The following SHMT1 variants were observed in gnomAD, a reference collection of about 807,000 sequenced individuals.
SHMT1 encodes the protein serine hydroxymethyltransferase 1, also known as serine hydroxymethyltransferase, cytosolic.
In SHMT1, 45 loss-of-function variants were observed where a neutral mutation model predicts 49.0. That is an observed-to-expected ratio of 0.92 (90% CI 0.72 to 1.18). The LOEUF is 1.18. Among genes scored for constraint, SHMT1 ranks in the 50% most tolerant of loss-of-function variants. The pLI, the probability that SHMT1 is intolerant of heterozygous loss-of-function variation, is 0.00. For missense variants in SHMT1, 541 were observed against 612.4 expected, an observed-to-expected ratio of 0.88 and a Z score of 1.23; for synonymous variants, 232 against 246.6, an observed-to-expected ratio of 0.94 and a Z score of 0.55.
chr17:18,350,124 G>C (rs911547038), intron 3 of SHMT1, among the ~76,000 whole-genome samples: 1 of 151,942 alleles, frequency 6.6e-6, no homozygotes, highest in African/African-American at 2.4e-5. Flanking sequence ...GTCAGGAGAT[G>C]GAGACCATCC....
At chr17:18,337,049 A>G (rs1189386367) in intron 7 of SHMT1, among the ~76,000 whole-genome samples, 2 of 151,260 alleles carry the variant, frequency 1.3e-5, no homozygotes, top group East Asian at 3.8e-4. Flanking sequence ...TTAACCATCA[A>G]TAATAGCTAC....
At chr17:18,338,909 G>GGAA (rs1259575074) in intron 7 of SHMT1, among the ~76,000 whole-genome samples, 1 of 151,994 alleles carries the variant, frequency 6.6e-6, no homozygotes, top group Non-Finnish European at 1.5e-5. Flanking sequence ...CAAACACTGC[G>GGAA]GAAAGCCGCA....
chr17:18,346,065 T>C (rs1347335011), intron 5 of SHMT1, among the ~76,000 whole-genome samples: 4 of 152,076 alleles, frequency 2.6e-5, no homozygotes, highest in African/African-American at 9.7e-5. Context: ...GATCTGTGAC[T>C]GCAAACACCT....
rs374829533 is a variant in SHMT1 at position 18,328,792 on chromosome 17, G to A, written c.1410C>T (p.Ser470=). The A allele has an allele frequency of 6.2e-7, 1 of 1,603,528 alleles. No individual in the cohort carries two copies. Among genetic ancestry groups the A allele is most frequent in the Non-Finnish European group, 8.5e-7 (1 of 1,175,052 alleles). Residue 470 remains serine, a synonymous_variant, in exon 12 of 12, where the codon AGC becomes AGT. Coordinates refer to ENST00000316694, the MANE Select transcript of SHMT1 (RefSeq NM_004169.5). The part of the protein sequence containing the change: ...AVQALREEVE[S]FASLFPLPGL... ...CAGGCAGAGGGAAGAGAGAGGCGAA[G>A]CTCTCAACCTCCTCCCGGAGAGCCT...
intron 9 of SHMT1, chr17:18,332,341 G>C (rs964163285): frequency 3.3e-5 from 5 of 152,464 alleles, no homozygotes; most frequent in African/African-American, 1.2e-4. Flanking sequence ...GATTGGGTGG[G>C]AGCCCCACTC....
chr17:18,353,584 C>T (rs1445588849), intron 3 of SHMT1, 88 bp downstream of exon 3: 2 of 1,388,398 alleles, frequency 1.4e-6, no homozygotes, highest in Non-Finnish European at 2.0e-6. Context: ...TTATTGTTTT[C>T]TGAAATTTCC....
At position 18,340,492 on chromosome 17, in the gene SHMT1, G is replaced by C; in HGVS notation, c.602-237C>G. On this transcript the variant is annotated intron_variant, in intron 6 of 11. Transcript: ENST00000316694. The surrounding 1 kb of genome is among the most constrained non-coding windows in gnomAD (Gnocchi z 4.5). ...AACTACTATTGCCAGCGCAGTCAGG[G>C]CCTGACATTTCTAGATGCTTCTCTG... 1 of 669,982 alleles carries C rather than the reference G, an allele frequency of 1.5e-6. No homozygotes were observed. The highest frequency in any genetic ancestry group is 1.7e-5 in the South Asian group (1 of 58,284). The allele number at this position is 669,982 out of a possible 1,614,324, so 41.5% of individuals were successfully genotyped here.
chr17:18,352,147 C>CTTT (rs1306144197), intron 3 of SHMT1, among the ~76,000 whole-genome samples: 1 of 76,572 alleles, frequency 1.3e-5, no homozygotes, highest in African/African-American at 6.3e-5. Flanking sequence ...ACTCAGTCCC[C>CTTT]TTCTTTTTTT....
In SHMT1 at chr17:18,340,124, A is replaced by T. The variant is rs1452027977; in HGVS notation, c.733T>A (p.Phe245Ile). 1 of 1,614,136 alleles carries T rather than the reference A, an allele frequency of 6.2e-7. No individual in the cohort carries two copies. The highest frequency in any genetic ancestry group is 1.7e-5 in the Admixed American group (1 of 60,004). The change falls in exon 7 of 12, where the codon TTT (phenylalanine) becomes ATT (isoleucine). Residue 245 changes from phenylalanine to isoleucine, a missense_variant. Transcript: ENST00000316694. This position sits in a 1 kb window ranked among gnomAD's most constrained non-coding sequence, Gnocchi z 4.5. ...LVAAGVVPSP[F>I]EHCHVVTTTT... Reference sequence around the variant, plus strand: ...GTGGTCACCACATGGCAGTGTTCAAATGGGGAGGGCACCACGCCAGCCGCC... The same window carrying T: ...GTGGTCACCACATGGCAGTGTTCAATTGGGGAGGGCACCACGCCAGCCGCC...
chr17:18,335,411 A>G (rs1983675395), intron 8 of SHMT1, 148 bp downstream of exon 8: 2 of 693,624 alleles, frequency 2.9e-6, no homozygotes, highest in African/African-American at 3.5e-5. Context: ...GCCAGTCTCA[A>G]CCATGCCCTA....
chr17:18,328,561 A>C lies in SHMT1; in HGVS notation c.*189T>G. The C allele has an allele frequency of 1.6e-6, 1 of 615,258 alleles. No homozygotes were observed. The highest frequency in any genetic ancestry group is 1.8e-5 in the African/African-American group (1 of 54,180). 38.1% of individuals were successfully genotyped at this position (615,258 alleles called of 1,614,324 possible). A position where few individuals can be genotyped will look rare whatever the true frequency, so the allele number is the denominator to read the frequency against. On this transcript the variant is annotated 3_prime_UTR_variant, in exon 12 of 12. Coordinates refer to ENST00000316694, the MANE Select transcript of SHMT1 (RefSeq NM_004169.5). ...TCCTTTAATAACCTGTCCCAGAATTACTAACAATGAGACTTAAACAAATTT... is the reference window on the plus strand; with the variant it reads ...TCCTTTAATAACCTGTCCCAGAATTCCTAACAATGAGACTTAAACAAATTT...
intron 1 of SHMT1, among the ~76,000 whole-genome samples, chr17:18,359,170 G>T (rs1043675338): frequency 6.6e-6 from 1 of 150,588 alleles, no homozygotes; most frequent in Non-Finnish European, 1.5e-5. Context: ...CCCGGGAGGC[G>T]GAAGTTGTAG....
chr17:18,348,214 C>T lies in SHMT1; in HGVS notation c.358+111G>A, dbSNP rs1029936829. 18 of 800,932 alleles carry T rather than the reference C, an allele frequency of 2.2e-5. No individual in the cohort carries two copies. The Admixed American group carries it at 3.6e-4, about 16-fold the overall frequency. The allele number at this position is 800,932 out of a possible 1,614,324, so 49.6% of individuals were successfully genotyped here. A position where few individuals can be genotyped will look rare whatever the true frequency, so the allele number is the denominator to read the frequency against. ...GGATTACAGGCGTGAGCCACTGGGC[C>T]CGGCCTATGGCAGTCCATGGCAGTC... On this transcript the variant is annotated intron_variant, in intron 4 of 11. Transcript: ENST00000316694.
At chr17:18,356,586 G>C (rs918134241) in intron 1 of SHMT1, among the ~76,000 whole-genome samples, 2 of 151,964 alleles carry the variant, frequency 1.3e-5, no homozygotes, top group African/African-American at 2.4e-5. Context: ...GCCTGCCTCG[G>C]CCTCCCAAAG....
intron 2 of SHMT1, 45 bp from the exon 3 acceptor site, chr17:18,353,862 T>C (rs761364975): frequency 6.3e-7 from 1 of 1,597,982 alleles, no homozygotes; most frequent in Non-Finnish European, 8.6e-7. Context: ...AATTTTAGTT[T>C]AAAATTTTGC....
chr17:18,334,990 G>A (rs1015078947), intron 8 of SHMT1, among the ~76,000 whole-genome samples: 7 of 152,348 alleles, frequency 4.6e-5, no homozygotes, highest in African/African-American at 1.4e-4. Context: ...GCCCCTTAGC[G>A]GGAATGAGTG....
chr17:18,349,649 T>G (rs1176331205), intron 3 of SHMT1, among the ~76,000 whole-genome samples: 1 of 151,582 alleles, frequency 6.6e-6, no homozygotes, highest in African/African-American at 2.4e-5. Flanking sequence ...AACCCAGGAG[T>G]TGGAGATTGC....
intron 5 of SHMT1, chr17:18,341,082 A>G: frequency 1.9e-6 from 1 of 516,686 alleles, no homozygotes; most frequent in Non-Finnish European, 3.5e-6. Flanking sequence ...AAGCACCTGC[A>G]GAATGAAACA....
intron 8 of SHMT1, among the ~76,000 whole-genome samples, chr17:18,334,899 A>G (rs1013919563): frequency 3.3e-5 from 5 of 152,280 alleles, no homozygotes; most frequent in Admixed American, 6.5e-5. Flanking sequence ...CTTATGCCTA[A>G]TATCTCCCAA....
Sources: allele counts gnomAD v4.1 joint callset (sites outside exome capture counted in the v4.1 genomes callset), GRCh38; gene constraint gnomAD v4.1.1; non-coding constraint Gnocchi (gnomAD v3.1); transcripts MANE v1.5; gene names NCBI Gene and HGNC (gene_info 2026-07-23, HGNC 2026-07-21).